The following GRIP1 variants were observed in gnomAD, a reference collection of about 807,000 sequenced individuals.
The protein encoded by GRIP1 is glutamate receptor interacting protein 1.
A neutral mutation model predicts 129.9 loss-of-function variants in GRIP1; 45 were observed. The ratio of observed to expected loss-of-function variants is 0.35; its 90% CI spans 0.27 to 0.44. GRIP1 has a LOEUF of 0.44. GRIP1 is among the 20% of genes least tolerant of loss of function. The pLI, the probability that GRIP1 is intolerant of heterozygous loss-of-function variation, is 1.00. For missense variants in GRIP1, 1,196 were observed against 1,396.8 expected (o/e 0.86, Z 2.29); for synonymous variants, 530 against 520.8 (o/e 1.02, Z -0.24).
chr12:66,407,116 C>A (rs1055981743), intron 15 of GRIP1, among the ~76,000 whole-genome samples: 10 of 152,140 alleles, frequency 6.6e-5, no homozygotes, highest in African/African-American at 2.2e-4. Flanking sequence ...GTAAGAACAG[C>A]CTTTTATGCA....
intron 1 of GRIP1, among the ~76,000 whole-genome samples, chr12:66,654,584 T>A (rs528248619): frequency 6.6e-6 from 1 of 152,314 alleles, no homozygotes; most frequent in African/African-American, 2.4e-5. Flanking sequence ...TATGCTGGTA[T>A]GTAAATACCA....
chr12:66,750,965 C>A (rs1196337756), intron 1 of GRIP1, among the ~76,000 whole-genome samples: 2 of 152,096 alleles, frequency 1.3e-5, no homozygotes, highest in Non-Finnish European at 2.9e-5. Flanking sequence ...CCAATAAAGA[C>A]TAAAATATTC....
chr12:66,636,985 C>T (rs1261993864), intron 1 of GRIP1, among the ~76,000 whole-genome samples: 1 of 152,134 alleles, frequency 6.6e-6, no homozygotes, highest in Admixed American at 6.6e-5. Context: ...ACGGGTGTCA[C>T]ATGCTGCTGA....
chr12:66,639,097 TA>T (rs1260423021), intron 1 of GRIP1, among the ~76,000 whole-genome samples: 1 of 152,218 alleles, frequency 6.6e-6, no homozygotes, highest in Non-Finnish European at 1.5e-5. Context: ...GTAGCAGATA[TA>T]CATATATACA....
intron 15 of GRIP1, 137 bp from the exon 16 acceptor site, chr12:66,406,565 T>C (rs1299714382): frequency 4.7e-6 from 4 of 856,814 alleles, no homozygotes; most frequent in East Asian, 2.4e-5. Context: ...TTGTACTTCA[T>C]TGACAACTCC....
intron 1 of GRIP1, among the ~76,000 whole-genome samples, chr12:66,947,240 C>G (rs1390815116): frequency 6.6e-6 from 1 of 152,120 alleles, no homozygotes; most frequent in Non-Finnish European, 1.5e-5. Flanking sequence ...TTTCAGCCCA[C>G]ATATGGTGAT....
chr12:66,541,806 G>C lies in GRIP1; in HGVS notation c.272+9C>G, dbSNP rs766457382. On this transcript the variant is annotated intron_variant, in intron 3 of 24. Coordinates refer to ENST00000359742, the MANE Select transcript of GRIP1 (RefSeq NM_001366722.1). The stretch of plus-strand genomic sequence containing the variant: ...TTCCTTTCAGTAGATTTCCCCAAGA[G>C]GCAGTTACCTAGCAGCAATTCCTCC... 3 of 1,613,534 alleles carry C rather than the reference G, an allele frequency of 1.9e-6. No individual in the cohort carries two copies. The Admixed American group carries it at 5.0e-5, about 27-fold the overall frequency.
intron 7 of GRIP1, among the ~76,000 whole-genome samples, chr12:66,483,666 T>G (rs2059869942): frequency 1.3e-5 from 2 of 152,188 alleles, no homozygotes; most frequent in Non-Finnish European, 2.9e-5. Flanking sequence ...GGTAATAGTA[T>G]TTTAAAAACT....
intron 1 of GRIP1, among the ~76,000 whole-genome samples, chr12:66,642,864 A>T (rs779703584): frequency 2.0e-5 from 3 of 152,210 alleles, no homozygotes; most frequent in Non-Finnish European, 4.4e-5. Context: ...AATGGAACAA[A>T]AAGTCAAGAA....
chr12:66,721,911 A>T (rs909852752), intron 1 of GRIP1, among the ~76,000 whole-genome samples: 2 of 152,058 alleles, frequency 1.3e-5, no homozygotes, highest in African/African-American at 2.4e-5. Context: ...TCTAGCTTCA[A>T]ACTTTCCTTC....
At chr12:66,426,113 G>A (rs146770397) in intron 14 of GRIP1, among the ~76,000 whole-genome samples, 48 of 152,260 alleles carry the variant, frequency 3.2e-4, no homozygotes, top group African/African-American at 1.0e-3. Context: ...GCTTCGTCCA[G>A]TGTTCTCAGA....
Position 66,444,571 on chromosome 12 carries a change from G to A in GRIP1, c.1687+13C>T, listed in dbSNP as rs746640355. ...CTCACATGCAGTCCACTCCTGAGATGATATGATTATACCTGCAACATCAAA... is the reference window on the plus strand; with the variant it reads ...CTCACATGCAGTCCACTCCTGAGATAATATGATTATACCTGCAACATCAAA... On this transcript the variant is annotated intron_variant, in intron 13 of 24. Coordinates refer to ENST00000359742, the MANE Select transcript of GRIP1 (RefSeq NM_001366722.1). 1.4e-4 allele frequency: 228 copies of A among 1,594,908 alleles called. No homozygotes were observed. Among genetic ancestry groups the A allele is most frequent in the Non-Finnish European group, 1.8e-4 (213 of 1,174,180 alleles).
chr12:66,544,682 A>G (rs1213166678), intron 2 of GRIP1, among the ~76,000 whole-genome samples: 1 of 152,188 alleles, frequency 6.6e-6, no homozygotes. Context: ...GTAACTGCCA[A>G]TAAGTATCTC....
intron 15 of GRIP1, 114 bp downstream of exon 15, chr12:66,420,606 A>C: frequency 1.4e-6 from 1 of 733,236 alleles, no homozygotes; most frequent in South Asian, 1.4e-5. Context: ...GCTGCTTGGA[A>C]GTTTTTGAAA....
At chr12:66,359,581 G>A (rs544442152) in intron 23 of GRIP1, among the ~76,000 whole-genome samples, 1 of 152,312 alleles carries the variant, frequency 6.6e-6, no homozygotes, top group South Asian at 2.1e-4. Context: ...GAGCCTCAGA[G>A]TTGAAGAGTT....
At position 66,921,340 on chromosome 12, in the gene GRIP1, G is replaced by T. The variant is rs546370897; in HGVS notation, c.58+147710C>A. Among the ~76,000 whole-genome samples the T allele has an allele frequency of 2.0e-5, 3 of 152,300 alleles. No individual in the cohort carries two copies. The South Asian group carries it at 6.2e-4, about 32-fold the overall frequency. ...ATACACAGGAAAGGGACTGCTCCTG[G>T]CTCCTGACATGTCAATACATAAGAT... is the stretch of plus-strand genomic sequence containing the variant. On this transcript the variant is annotated intron_variant, in intron 1 of 1. Coordinates refer to the GRIP1 transcript ENST00000643019.
At chr12:66,724,840 C>T (rs945951434) in intron 1 of GRIP1, among the ~76,000 whole-genome samples, 3 of 152,198 alleles carry the variant, frequency 2.0e-5, no homozygotes, top group Admixed American at 2.0e-4. Context: ...AACCCGATGT[C>T]AGACATGCTA....
chr12:66,870,841 A>G (rs1209005511), intron 1 of GRIP1, among the ~76,000 whole-genome samples: 4 of 152,144 alleles, frequency 2.6e-5, no homozygotes, highest in Non-Finnish European at 5.9e-5. Flanking sequence ...TTCAAAGCCT[A>G]CATGCCAATT....
intron 14 of GRIP1, among the ~76,000 whole-genome samples, chr12:66,426,216 A>G (rs546301558): frequency 2.6e-5 from 4 of 152,260 alleles, no homozygotes; most frequent in African/African-American, 4.8e-5. Context: ...AGACATTTAT[A>G]CAATTATTTC....
Sources: allele counts gnomAD v4.1 joint callset (sites outside exome capture counted in the v4.1 genomes callset), GRCh38; gene constraint gnomAD v4.1.1; transcripts MANE v1.5; gene names NCBI Gene and HGNC (gene_info 2026-07-23, HGNC 2026-07-21).